The following MIPEP variants were observed in gnomAD, a reference collection of about 807,000 sequenced individuals.
MIPEP encodes the protein mitochondrial intermediate peptidase.
In MIPEP, 79 loss-of-function variants were observed where a neutral mutation model predicts 90.3. The ratio of observed to expected loss-of-function variants is 0.87; its 90% CI spans 0.73 to 1.05. The LOEUF (loss-of-function observed/expected upper bound fraction) is 1.05, where lower values mean the gene tolerates loss of function less well. Ranked by LOEUF, MIPEP falls within the 50% of genes least tolerant of loss-of-function variation. The pLI is 0.00. For missense variants in MIPEP, 940 were observed against 905.6 expected, an observed-to-expected ratio of 1.04 and a Z score of -0.49; for synonymous variants, 334 against 315.8, an observed-to-expected ratio of 1.06 and a Z score of -0.61.
intron 16 of MIPEP, among the ~76,000 whole-genome samples, chr13:23,767,165 G>A (rs1376049080): frequency 2.0e-5 from 3 of 152,180 alleles, no homozygotes; most frequent in African/African-American, 7.2e-5. Flanking sequence ...AGATGAGACT[G>A]CAGCCCTGCC....
At chr13:23,841,705 T>C (rs529303991) in intron 10 of MIPEP, among the ~76,000 whole-genome samples, 1 of 152,292 alleles carries the variant, frequency 6.6e-6, no homozygotes, top group South Asian at 2.1e-4. Flanking sequence ...GTAATTAAGG[T>C]AGATATATCA....
intron 1 of MIPEP, chr13:23,888,769 G>T: frequency 9.5e-7 from 1 of 1,047,610 alleles, no homozygotes. Flanking sequence ...AGGCAGGACT[G>T]TAGCGCTGGA....
At chr13:23,783,775 GC>G (rs1192567191) in intron 16 of MIPEP, among the ~76,000 whole-genome samples, 1 of 152,052 alleles carries the variant, frequency 6.6e-6, no homozygotes, top group East Asian at 1.9e-4. Context: ...AAATCAATGT[GC>G]AAAAATCACA....
chr13:23,884,404 G>A (rs1201968709), intron 2 of MIPEP, among the ~76,000 whole-genome samples: 3 of 152,168 alleles, frequency 2.0e-5, no homozygotes, highest in African/African-American at 7.2e-5. Context: ...TAAAGATGGA[G>A]AGGCTAACAA....
intron 16 of MIPEP, among the ~76,000 whole-genome samples, chr13:23,796,743 A>C (rs947402975): frequency 6.6e-6 from 1 of 152,242 alleles, no homozygotes; most frequent in Non-Finnish European, 1.5e-5. Context: ...CTATGTAAAC[A>C]ACAGGGTTCA....
intron 16 of MIPEP, among the ~76,000 whole-genome samples, chr13:23,795,094 T>A (rs1024796824): frequency 6.6e-6 from 1 of 152,022 alleles, no homozygotes; most frequent in African/African-American, 2.4e-5. Context: ...CTTAGCAACA[T>A]CAAATATTCC....
At chr13:23,878,151 G>C (rs1317152028) in intron 4 of MIPEP, among the ~76,000 whole-genome samples, 1 of 152,200 alleles carries the variant, frequency 6.6e-6, no homozygotes. Context: ...GTTATGTAAA[G>C]TCAGTACCAG....
intron 16 of MIPEP, among the ~76,000 whole-genome samples, chr13:23,790,415 T>C (rs1952886679): frequency 6.6e-6 from 1 of 152,356 alleles, no homozygotes; most frequent in East Asian, 1.9e-4. Context: ...CCTCCAAAGA[T>C]GTCCACATCC....
intron 10 of MIPEP, among the ~76,000 whole-genome samples, chr13:23,857,240 A>G (rs1158933928): frequency 6.6e-6 from 1 of 152,216 alleles, no homozygotes; most frequent in Non-Finnish European, 1.5e-5. Context: ...TGTAAAACAA[A>G]TATATTCTAA....
intron 15 of MIPEP, among the ~76,000 whole-genome samples, chr13:23,808,010 G>A (rs915788286): frequency 6.6e-6 from 1 of 151,988 alleles, no homozygotes; most frequent in South Asian, 2.1e-4. Flanking sequence ...CATTCCTGGG[G>A]CCAAGAAACT....
At chr13:23,780,901 A>G (rs924630074) in intron 16 of MIPEP, among the ~76,000 whole-genome samples, 5 of 152,158 alleles carry the variant, frequency 3.3e-5, no homozygotes, top group East Asian at 1.9e-4. Context: ...AGAAGTTTAG[A>G]AAAAAAAGGG....
At chr13:23,732,595 C>T (rs1465079819) in intron 18 of MIPEP, among the ~76,000 whole-genome samples, 1 of 152,168 alleles carries the variant, frequency 6.6e-6, no homozygotes, top group East Asian at 1.9e-4. Flanking sequence ...AAGGAACAAA[C>T]TATTCATACA....
intron 4 of MIPEP, among the ~76,000 whole-genome samples, chr13:23,875,874 T>C (rs979765217): frequency 2.6e-5 from 4 of 152,196 alleles, no homozygotes; most frequent in African/African-American, 4.8e-5. Context: ...CCCAACTGTA[T>C]ATACTTTTGT....
intron 3 of MIPEP, among the ~76,000 whole-genome samples, chr13:23,880,265 C>G (rs1463920332): frequency 2.0e-5 from 3 of 152,130 alleles, no homozygotes; most frequent in African/African-American, 4.8e-5. Flanking sequence ...AAACACTCAC[C>G]AAGAAGGGCC....
chr13:23,782,332 G>C (rs1952790811), intron 16 of MIPEP, among the ~76,000 whole-genome samples: 1 of 152,152 alleles, frequency 6.6e-6, no homozygotes, highest in East Asian at 1.9e-4. Flanking sequence ...CATGGAAACT[G>C]AACAACCTGC....
intron 3 of MIPEP, among the ~76,000 whole-genome samples, chr13:23,881,146 T>C: frequency 6.6e-6 from 1 of 152,228 alleles, no homozygotes; most frequent in East Asian, 1.9e-4. Context: ...GCTCCAGCCC[T>C]CCCACAGACT....
At chr13:23,761,902 G>A (rs1952548944) in intron 16 of MIPEP, among the ~76,000 whole-genome samples, 1 of 152,162 alleles carries the variant, frequency 6.6e-6, no homozygotes, top group Non-Finnish European at 1.5e-5. Flanking sequence ...AGGCAGCTGG[G>A]TCACTTGAGG....
chr13:23,735,275 C>G (rs960953053), intron 18 of MIPEP, among the ~76,000 whole-genome samples: 10 of 152,240 alleles, frequency 6.6e-5, no homozygotes, highest in African/African-American at 9.6e-5. Flanking sequence ...TTGGAGCCCC[C>G]CTTCCTCTGT....
chr13:23,841,676 T>C (rs1869305019), intron 10 of MIPEP, among the ~76,000 whole-genome samples, 188 bp from the exon 11 acceptor site: 1 of 152,218 alleles, frequency 6.6e-6, no homozygotes, highest in Non-Finnish European at 1.5e-5. Context: ...TGATTATTAC[T>C]AGTGTTAGTT....
Sources: allele counts gnomAD v4.1 joint callset (sites outside exome capture counted in the v4.1 genomes callset), GRCh38; gene constraint gnomAD v4.1.1; transcripts MANE v1.5; gene names NCBI Gene and HGNC (gene_info 2026-07-23, HGNC 2026-07-21).